The following STOX1 variants were observed in gnomAD, a reference collection of about 807,000 sequenced individuals.
STOX1 encodes storkhead-box protein 1.
In STOX1, 57 loss-of-function variants were observed where a neutral mutation model predicts 74.8. That is an observed-to-expected ratio of 0.76 (90% CI 0.62 to 0.95). The LOEUF (loss-of-function observed/expected upper bound fraction) is 0.95. STOX1 is among the 40% of genes least tolerant of loss of function. STOX1 has a pLI of 0.00. For missense variants in STOX1, 1,010 were observed against 1,117.0 expected (o/e 0.90, Z 1.37); for synonymous variants, 375 against 401.3 (o/e 0.93, Z 0.78).
intron 1 of STOX1, among the ~76,000 whole-genome samples, chr10:68,831,442 T>G (rs1445073456): frequency 6.6e-6 from 1 of 152,162 alleles, no homozygotes; most frequent in African/African-American, 2.4e-5. Context: ...CGCCTCGGCC[T>G]CCCATTTGCT....
chr10:68,854,520 AC>A (rs1484656878), intron 1 of STOX1, among the ~76,000 whole-genome samples: 1 of 150,790 alleles, frequency 6.6e-6, no homozygotes, highest in Non-Finnish European at 1.5e-5. Context: ...CTGATCTTGA[AC>A]TCCTGAACTC....
Position 68,845,403 on chromosome 10 carries a change from A to G in STOX1, c.310+17470A>G, listed in dbSNP as rs184422736. Among the ~76,000 whole-genome samples the G allele has an allele frequency of 6.5e-3, 967 of 149,462 alleles. 14 individuals are homozygous for G. The highest frequency in any genetic ancestry group is 0.022 in the African/African-American group (905 of 40,504). ...ATTCTCCTGCCTCAGCCTCCTGAGT[A>G]GCTGGGACTACAGGCGCCTGCCACC... On this transcript the variant is annotated intron_variant, in intron 1 of 3. Transcript: ENST00000298596.
chr10:68,890,637 G>GC (rs995139022), intron 3 of STOX1, among the ~76,000 whole-genome samples: 12 of 149,156 alleles, frequency 8.0e-5, no homozygotes, highest in Non-Finnish European at 1.0e-4. Context: ...TATTGGGGGT[G>GC]CAAGACCTTT....
At chr10:68,834,913 G>A (rs1484141512) in intron 1 of STOX1, among the ~76,000 whole-genome samples, 1 of 152,008 alleles carries the variant, frequency 6.6e-6, no homozygotes, top group Non-Finnish European at 1.5e-5. Flanking sequence ...TAGTAGAGAC[G>A]GGGTTTCTCC....
chr10:68,834,197 G>A (rs578214391), intron 1 of STOX1, among the ~76,000 whole-genome samples: 1 of 152,340 alleles, frequency 6.6e-6, no homozygotes, highest in South Asian at 2.1e-4. Context: ...TCCAATCACA[G>A]AGAAATATTC....
chr10:68,860,118 C>A (rs536453242), intron 1 of STOX1, among the ~76,000 whole-genome samples: 12 of 151,810 alleles, frequency 7.9e-5, no homozygotes, highest in Admixed American at 7.2e-4. Flanking sequence ...GGTGAAACCC[C>A]AAAAATTAGC....
chr10:68,887,686 C>T lies in STOX1; in HGVS notation c.2822+1068C>T, dbSNP rs112270886. On this transcript the variant is annotated intron_variant, in intron 3 of 3. Transcript: ENST00000298596. ...TCTGCTCACTGCAACCTCCGCCTCC[C>T]GGGTTCAAGCAATTCTCCCACTTTA... Among the ~76,000 whole-genome samples, 1,186 of 149,952 alleles carry T rather than the reference C, an allele frequency of 7.9e-3. 25 individuals are homozygous for T. Among genetic ancestry groups the T allele is most frequent in the African/African-American group, 0.027 (1,115 of 40,738 alleles).
downstream of STOX1, among the ~76,000 whole-genome samples, chr10:68,894,025 G>A (rs572060614): frequency 2.0e-5 from 3 of 152,062 alleles, no homozygotes; most frequent in South Asian, 6.2e-4. Context: ...TCGAGAAGAT[G>A]ATGGTGCTGA....
At chr10:68,889,111 GCTTGGA>G in intron 3 of STOX1, among the ~76,000 whole-genome samples, 1 of 151,970 alleles carries the variant, frequency 6.6e-6, no homozygotes, top group East Asian at 1.9e-4. Context: ...TTCTGGAGTA[GCTTGGA>G]TTATAGGCAC....
chr10:68,840,929 T>C (rs1839677240), intron 1 of STOX1, among the ~76,000 whole-genome samples: 3 of 151,500 alleles, frequency 2.0e-5, no homozygotes, highest in Admixed American at 1.3e-4. Flanking sequence ...ACACATGCAC[T>C]TGTAAATGTT....
At chr10:68,831,849 T>C (rs1273705669) in intron 1 of STOX1, among the ~76,000 whole-genome samples, 1 of 152,142 alleles carries the variant, frequency 6.6e-6, no homozygotes, top group African/African-American at 2.4e-5. Context: ...AAGAGAGACA[T>C]TGGATCTTTA....
chr10:68,852,246 C>T (rs1220660670), intron 1 of STOX1, among the ~76,000 whole-genome samples: 2 of 120,300 alleles, frequency 1.7e-5, no homozygotes, highest in Non-Finnish European at 3.8e-5. Context: ...TTTTCTCTTA[C>T]TGCTTTTTTT....
At position 68,884,246 on chromosome 10, in the gene STOX1, C is replaced by A. The variant is rs1413491024; in HGVS notation, c.464-14C>A. On this transcript the variant is annotated splice_polypyrimidine_tract_variant and intron_variant, in intron 2 of 3. Transcript: ENST00000298596. ...TTATTCAAAATCTATCTGTAAAATG[C>A]TTGTCTGTTTTAGGCATTGCAATTC... is the stretch of plus-strand genomic sequence containing the variant. 1.2e-6 allele frequency: 2 copies of A among 1,613,142 alleles called. No individual in the cohort carries two copies. Among genetic ancestry groups the A allele is most frequent in the Non-Finnish European group, 1.7e-6 (2 of 1,179,246 alleles).
At chr10:68,871,917 T>A (rs1044548606) in intron 1 of STOX1, among the ~76,000 whole-genome samples, 1 of 152,222 alleles carries the variant, frequency 6.6e-6, no homozygotes, top group Admixed American at 6.5e-5. Context: ...AATTTTAATG[T>A]TAAAAACATT....
chr10:68,861,672 T>G (rs1840271994), intron 1 of STOX1, among the ~76,000 whole-genome samples: 1 of 152,132 alleles, frequency 6.6e-6, no homozygotes, highest in Non-Finnish European at 1.5e-5. Flanking sequence ...CAACACAGAT[T>G]AATAGCACAA....
intron 1 of STOX1, among the ~76,000 whole-genome samples, chr10:68,853,896 G>T (rs560739446): frequency 2.0e-5 from 3 of 151,940 alleles, no homozygotes; most frequent in African/African-American, 7.3e-5. Flanking sequence ...TGTTGGTCAG[G>T]GTGGTCTCAA....
chr10:68,841,519 A>G (rs1265660801), intron 1 of STOX1, among the ~76,000 whole-genome samples: 1 of 152,166 alleles, frequency 6.6e-6, no homozygotes, highest in African/African-American at 2.4e-5. Flanking sequence ...TATTACATGT[A>G]TTATTTTTTC....
intron 1 of STOX1, among the ~76,000 whole-genome samples, chr10:68,853,558 T>C (rs1173654982): frequency 1.3e-5 from 2 of 152,138 alleles, no homozygotes; most frequent in Non-Finnish European, 2.9e-5. Flanking sequence ...TTCTGTATAA[T>C]TGGCCAGTGA....
intron 3 of STOX1, among the ~76,000 whole-genome samples, chr10:68,891,801 C>CA (rs574776456): frequency 0.13 from 16,928 of 127,700 alleles, 1,147 homozygotes; most frequent in Admixed American, 0.2. Flanking sequence ...GACTCTGTTT[C>CA]AAAAAAAAAA....
Sources: gnomAD v4.1 joint callset for allele counts (sites outside exome capture counted in the v4.1 genomes callset) on GRCh38, gnomAD v4.1.1 for gene constraint, MANE v1.5 for transcripts, NCBI Gene and HGNC (gene_info 2026-07-23, HGNC 2026-07-21) for gene names.